Variants in ANOS1 observed in about 807,000 individuals in gnomAD.
ANOS1 encodes the protein anosmin-1.
Under a neutral mutation model 59.0 loss-of-function variants are expected in ANOS1, and 6 were observed. The ratio of observed to expected loss-of-function variants is 0.10; its 90% confidence interval spans 0.06 to 0.20. The LOEUF (loss-of-function observed/expected upper bound fraction) is 0.20, where lower values mean the gene tolerates loss of function less well. Ranked by LOEUF, ANOS1 falls within the 10% of genes least tolerant of loss-of-function variation. ANOS1 has a pLI of 1.00. For synonymous variants in ANOS1, 217 were observed against 223.4 expected (o/e 0.97, Z 0.25); for missense variants, 433 against 542.3 (o/e 0.80, Z 2.00).
At chrX:8,672,809 A>G (rs1169939134) in intron 2 of ANOS1, among the ~76,000 whole-genome samples, 2 of 112,152 alleles carry the variant, frequency 1.8e-5, no homozygotes, top group Non-Finnish European at 3.8e-5. Flanking sequence ...GCAGGAGACC[A>G]TAACTGTTAC....
At chrX:8,585,422 G>A in intron 5 of ANOS1, 26 bp from the exon 6 acceptor site, 1 of 1,208,701 alleles carries the variant, frequency 8.3e-7, no homozygotes, top group African/African-American at 1.7e-5. Flanking sequence ...ACAGAGCACA[G>A]GGAACATGTC....
chrX:8,619,390 G>C (rs745948259), intron 3 of ANOS1, among the ~76,000 whole-genome samples: 50 of 111,708 alleles, frequency 4.5e-4, no homozygotes, highest in Admixed American at 4.5e-3. Context: ...CGGATCACAA[G>C]GTCAGGAGAT....
At position 8,594,753 on chromosome X, in the gene ANOS1, T is replaced by C. The variant is rs866600265; in HGVS notation, c.541+2281A>G. Among the ~76,000 whole-genome samples, 110 of 76,516 alleles carry C rather than the reference T, an allele frequency of 1.4e-3. 4 individuals carry two copies. Among genetic ancestry groups the C allele is most frequent in the African/African-American group, 6.1e-3 (106 of 17,424 alleles). The allele number at this position is 76,516 out of a possible 115,157, so 66.4% of individuals were successfully genotyped here. A position where few individuals can be genotyped will look rare whatever the true frequency, so the allele number is the denominator to read the frequency against. ...ATATATATGTGTATATATATATACA[T>C]ATATATATATATATTTTTTTTTTGC... is the stretch of plus-strand genomic sequence containing the variant. On this transcript the variant is annotated intron_variant, in intron 4 of 13. Transcript: ENST00000262648.
At chrX:8,649,565 G>A (rs1340581035) in intron 2 of ANOS1, among the ~76,000 whole-genome samples, 1 of 111,920 alleles carries the variant, frequency 8.9e-6, no homozygotes, top group Non-Finnish European at 1.9e-5. Flanking sequence ...TATCAATGAG[G>A]ACAAGACTTT....
intron 2 of ANOS1, among the ~76,000 whole-genome samples, chrX:8,657,370 A>C (rs1419477736): frequency 9.0e-6 from 1 of 111,039 alleles, no homozygotes; most frequent in Non-Finnish European, 1.9e-5. Flanking sequence ...GGGTATTTTT[A>C]GCAAATTGTG....
chrX:8,659,213 T>G (rs202006664), intron 2 of ANOS1, among the ~76,000 whole-genome samples: 16 of 94,777 alleles, frequency 1.7e-4, no homozygotes, highest in South Asian at 5.1e-4. Context: ...GGCAAGAGAA[T>G]GAGACTCTGT....
intron 8 of ANOS1, among the ~76,000 whole-genome samples, chrX:8,555,399 T>C (rs1310425289): frequency 9.2e-6 from 1 of 109,211 alleles, no homozygotes; most frequent in African/African-American, 3.3e-5. Context: ...CTGAAGGAGA[T>C]AGAGACACAA....
intron 2 of ANOS1, among the ~76,000 whole-genome samples, chrX:8,643,147 A>C (rs1233303582): frequency 8.9e-6 from 1 of 111,736 alleles, no homozygotes; most frequent in Non-Finnish European, 1.9e-5. Context: ...GAAAAATTAA[A>C]AACTTAGAGA....
chrX:8,562,435 G>T (rs116671553), intron 8 of ANOS1, among the ~76,000 whole-genome samples: 410 of 100,931 alleles, frequency 4.1e-3, no homozygotes, highest in African/African-American at 0.014. Context: ...GACTTTATAA[G>T]AATGTCTCCT....
In ANOS1 at chrX:8,568,265, G is replaced by C. The variant is rs1569050760; in HGVS notation, c.1174C>G (p.Leu392Val). Residue 392 changes from leucine (L) to valine (V), a missense_variant, in exon 8 of 14, where the codon CTT becomes GTT. Coordinates refer to ENST00000262648, the MANE Select transcript of ANOS1 (RefSeq NM_000216.4). ...GTTGCATGTGTCGATGTGAAGTGAA[G>C]GGACACCTTTGCACTCTTCAGCCGT... is the stretch of plus-strand genomic sequence containing the variant. ...QTRLKSAKVS[L>V]HFTSTHATNN... 1 of 1,210,626 alleles carries C rather than the reference G, an allele frequency of 8.3e-7. No homozygotes were observed. The highest frequency in any genetic ancestry group is 2.2e-5 in the Admixed American group (1 of 45,986).
At chrX:8,652,285 A>T (rs944270886) in intron 2 of ANOS1, among the ~76,000 whole-genome samples, 3 of 111,578 alleles carry the variant, frequency 2.7e-5, no homozygotes, top group Non-Finnish European at 5.6e-5. Flanking sequence ...TTAGTTTCTG[A>T]TTTTTGTTTT....
chrX:8,583,860 G>T (rs1187872731), intron 6 of ANOS1, among the ~76,000 whole-genome samples: 1 of 111,724 alleles, frequency 9.0e-6, no homozygotes, highest in Non-Finnish European at 1.9e-5. Context: ...CGATATACTA[G>T]GAAGTGTCAG....
At chrX:8,705,968 T>G (rs2146902582) in intron 1 of ANOS1, among the ~76,000 whole-genome samples, 1 of 112,591 alleles carries the variant, frequency 8.9e-6, no homozygotes, top group South Asian at 3.7e-4. Flanking sequence ...CTAGTCAATC[T>G]GGCTTTCAAA....
chrX:8,594,713 CAT>C (rs1292580075), intron 4 of ANOS1, among the ~76,000 whole-genome samples: 35 of 42,921 alleles, frequency 8.2e-4, no homozygotes, highest in African/African-American at 3.0e-3. Context: ...TATATATACA[CAT>C]ATATATATCT....
rs763626643 is a variant in ANOS1, at chrX:8,535,610, T to A, written c.1823A>T (p.Gln608Leu). ...ACCTACGGAAGGCAGGATCTGGGAC[T>A]GTGAAATAATGCTGTTGGGTAGGCT... The part of the protein sequence containing the change: ...QNSLPNSIIS[Q>L]SQILPSDHYV... Residue 608 changes from glutamine (Q) to leucine (L), a missense_variant, in exon 12 of 14, where the codon CAG becomes CTG. Transcript: ENST00000262648. 33 of 1,206,747 alleles carry A rather than the reference T, an allele frequency of 2.7e-5. 1 individual carries two copies. The Admixed American group carries it at 4.4e-4, about 16-fold the overall frequency.
intron 3 of ANOS1, among the ~76,000 whole-genome samples, chrX:8,598,286 GC>G (rs1209561086): frequency 8.9e-6 from 1 of 111,890 alleles, no homozygotes; most frequent in Non-Finnish European, 1.9e-5. Context: ...AGAATAGGAA[GC>G]CCTGGACTTA....
At chrX:8,632,765 G>A (rs1931509794) in intron 2 of ANOS1, among the ~76,000 whole-genome samples, 1 of 102,835 alleles carries the variant, frequency 9.7e-6, no homozygotes, top group South Asian at 4.8e-4. Context: ...AATAAGCCTT[G>A]GGGTTCTTAA....
chrX:8,565,350 G>A (rs1930092527), intron 8 of ANOS1, among the ~76,000 whole-genome samples: 1 of 111,401 alleles, frequency 9.0e-6, no homozygotes. Flanking sequence ...CCTGAGAAGG[G>A]GGTTGGTAAG....
chrX:8,649,048 A>C (rs1931807417), intron 2 of ANOS1, among the ~76,000 whole-genome samples: 1 of 111,632 alleles, frequency 9.0e-6, no homozygotes, highest in Non-Finnish European at 1.9e-5. Flanking sequence ...TCCAATACAG[A>C]AAGGTGTTAA....
Sources: gnomAD v4.1 joint callset for allele counts (sites outside exome capture counted in the v4.1 genomes callset) on GRCh38, gnomAD v4.1.1 for gene constraint, MANE v1.5 for transcripts, NCBI Gene and HGNC (gene_info 2026-07-23, HGNC 2026-07-21) for gene names.